The following NTSR1 variants were observed in gnomAD, a reference collection of about 807,000 sequenced individuals.
NTSR1 encodes the protein neurotensin receptor 1, also known as neurotensin receptor type 1.
NTSR1 carries 29 observed loss-of-function variants against 31.2 expected under a neutral mutation model. The observed-to-expected ratio is 0.93, with a 90% CI of 0.69 to 1.27. The LOEUF (loss-of-function observed/expected upper bound fraction) is 1.27. NTSR1 is among the 50% of genes most tolerant of loss of function. The pLI, the probability that NTSR1 is intolerant of heterozygous loss-of-function variation, is 0.00. For synonymous variants in NTSR1, 282 were observed against 269.9 expected, an observed-to-expected ratio of 1.04 and a Z score of -0.44; for missense variants, 697 against 595.4, an observed-to-expected ratio of 1.17 and a Z score of -1.78.
Position 62,754,851 on chromosome 20 carries a change from G to C in NTSR1, c.881G>C (p.Arg294Thr). The C allele has an allele frequency of 6.2e-7, 1 of 1,606,572 alleles. No homozygotes were observed. The highest frequency in any genetic ancestry group is 1.3e-5 in the African/African-American group (1 of 74,852). ...STFSMAIEPG[R>T]VQALRHGVRV... is the part of the protein sequence containing the mutation. ...TTCAGCATGGCCATCGAGCCTGGCA[G>C]GGTCCAGGCCCTGCGGCACGGCGTG... The change falls in exon 2 of 4, where the codon AGG becomes ACG. Residue 294 changes from arginine to threonine, a missense_variant. Arg to Thr is a moderately conservative substitution (Grantham distance 71). Transcript: ENST00000370501.
chr20:62,739,974 C>T (rs996282266), intron 1 of NTSR1, among the ~76,000 whole-genome samples: 3 of 152,244 alleles, frequency 2.0e-5, no homozygotes, highest in East Asian at 1.9e-4. Context: ...CTGGCCGCAC[C>T]GCCTCGTCCC....
rs1568693568 is a variant in NTSR1, at chr20:62,709,829, G to T, written c.622G>T (p.Gly208Cys). The change falls in exon 1 of 4, where the codon GGC becomes TGC. Residue 208 changes from glycine to cysteine, a missense_variant. Coordinates refer to ENST00000370501, the MANE Select transcript of NTSR1 (RefSeq NM_002531.3). Reference protein sequence around the residue: ...LLAVPMLFTMGEQNRSADGQH... With the variant: ...LLAVPMLFTMCEQNRSADGQH... ...GGCGGTGCCTATGCTGTTCACCATG[G>T]GCGAGCAGAACCGCAGCGCCGACGG... 8.1e-6 allele frequency: 13 copies of T among 1,612,232 alleles called. No homozygotes were observed. Among genetic ancestry groups the T allele is most frequent in the Non-Finnish European group, 1.0e-5 (12 of 1,179,668 alleles).
At chr20:62,710,788 T>C (rs1445552734) in intron 1 of NTSR1, among the ~76,000 whole-genome samples, 1 of 152,096 alleles carries the variant, frequency 6.6e-6, no homozygotes. Flanking sequence ...GAGGCTGGTG[T>C]CCAGGGAGGA....
chr20:62,712,227 G>A (rs1307021054), intron 1 of NTSR1, among the ~76,000 whole-genome samples: 2 of 152,234 alleles, frequency 1.3e-5, no homozygotes, highest in Non-Finnish European at 2.9e-5. Flanking sequence ...TCCCCACGTG[G>A]GCTTCTGGGC....
At position 62,710,597 on chromosome 20, in the gene NTSR1, C is replaced by T. The variant is rs78822271; in HGVS notation, c.714+676C>T. ...GGTTGTGAGGATCTGCGTGTGGCGG[C>T]GGTGTTGTGGTGAGGTGTGTAAAAC... On this transcript the variant is annotated intron_variant, in intron 1 of 3. Transcript: ENST00000370501. Among the ~76,000 whole-genome samples, 1,453 of 151,982 alleles carry T rather than the reference C, an allele frequency of 9.6e-3. 61 individuals carry two copies. The highest frequency in any genetic ancestry group is 0.061 in the Admixed American group (923 of 15,242).
At position 62,732,724 on chromosome 20, in the gene NTSR1, G is replaced by C. The variant is rs1027838103; in HGVS notation, c.715-21961G>C. ...ATTGGGGTAATGCCGGCCTCGTAGA[G>C]TGAGTTATAAAGTGTTCCTCTGCTT... On this transcript the variant is annotated intron_variant, in intron 1 of 3. Transcript: ENST00000370501. This position sits in a 1 kb window ranked among gnomAD's most constrained non-coding sequence, Gnocchi z 4.0. 7.9e-5 allele frequency: 12 copies of C among 152,210 alleles called. No homozygotes were observed. Among genetic ancestry groups the C allele is most frequent in the African/African-American group, 2.9e-4 (12 of 41,442 alleles). 9.4% of individuals were successfully genotyped at this position (152,210 alleles called of 1,614,324 possible). A position where few individuals can be genotyped will look rare whatever the true frequency, so the allele number is the denominator to read the frequency against.
In NTSR1 at chr20:62,709,559, C is replaced by T; in HGVS notation, c.352C>T (p.Leu118=). ...GCTGTCCGACCTGCTCACCCTGCTG[C>T]TGGCCATGCCCGTGGAGCTGTACAA... is the stretch of plus-strand genomic sequence containing the variant. ...LALSDLLTLL[L]AMPVELYNFI... The change falls in exon 1 of 4, where the codon CTG becomes TTG. Residue 118 remains leucine, a synonymous_variant. Transcript: ENST00000370501. 6.2e-7 allele frequency: 1 copy of T among 1,611,952 alleles called. No individual in the cohort carries two copies. The highest frequency in any genetic ancestry group is 8.5e-7 in the Non-Finnish European group (1 of 1,179,874).
intron 1 of NTSR1, among the ~76,000 whole-genome samples, chr20:62,713,571 A>G (rs1042592484): frequency 6.6e-6 from 1 of 152,244 alleles, no homozygotes; most frequent in African/African-American, 2.4e-5. Flanking sequence ...CACAGGCAGC[A>G]TCCTTGTTCT....
At position 62,742,519 on chromosome 20, in the gene NTSR1, A is replaced by G. The variant is rs1989223143; in HGVS notation, c.715-12166A>G. Among the ~76,000 whole-genome samples the G allele has an allele frequency of 6.7e-6, 1 of 149,474 alleles. No homozygotes were observed. Among genetic ancestry groups the G allele is most frequent in the Non-Finnish European group, 1.5e-5 (1 of 68,016 alleles). The stretch of plus-strand genomic sequence containing the variant: ...AAGAGACTGGGGACTGAGGGACAGC[A>G]CAGTATCCCAAGCTGGCCACTACCA... On this transcript the variant is annotated intron_variant, in intron 1 of 3. Coordinates refer to ENST00000370501, the MANE Select transcript of NTSR1 (RefSeq NM_002531.3). This position sits in a 1 kb window ranked among gnomAD's most constrained non-coding sequence, Gnocchi z 7.1.
intron 1 of NTSR1, among the ~76,000 whole-genome samples, chr20:62,712,420 C>T (rs1430931887): frequency 6.6e-6 from 1 of 152,226 alleles, no homozygotes; most frequent in Non-Finnish European, 1.5e-5. Flanking sequence ...GCGTCTCCTA[C>T]GAAATTTTGG....
At chr20:62,736,429 C>T (rs755280889) in intron 1 of NTSR1, among the ~76,000 whole-genome samples, 26 of 152,234 alleles carry the variant, frequency 1.7e-4, no homozygotes, top group Admixed American at 3.9e-4. Flanking sequence ...TTCCCTGAGT[C>T]CCAGTTTAGA....
chr20:62,750,091 A>G (rs2147146116), intron 1 of NTSR1, among the ~76,000 whole-genome samples: 1 of 152,358 alleles, frequency 6.6e-6, no homozygotes, highest in African/African-American at 2.4e-5. Flanking sequence ...AGCGTGGTGC[A>G]GATACACAGC....
In NTSR1 at chr20:62,742,993, G is replaced by T. The variant is rs1481277406; in HGVS notation, c.715-11692G>T. ...TCTGAGTTTAGCTTTGTTTGTGTAGGTAGTTCACTGTGGGAGTCTAGCTTT... is the reference window on the plus strand; with the variant it reads ...TCTGAGTTTAGCTTTGTTTGTGTAGTTAGTTCACTGTGGGAGTCTAGCTTT... On this transcript the variant is annotated intron_variant, in intron 1 of 3. Transcript: ENST00000370501. This position sits in a 1 kb window ranked among gnomAD's most constrained non-coding sequence, Gnocchi z 7.1. Among the ~76,000 whole-genome samples, 1 of 149,578 alleles carries T rather than the reference G, an allele frequency of 6.7e-6. No individual in the cohort carries two copies. The highest frequency in any genetic ancestry group is 1.5e-5 in the Non-Finnish European group (1 of 68,010).
rs57596931 is a variant in NTSR1, at chr20:62,743,773, A to G, written c.715-10912A>G. On this transcript the variant is annotated intron_variant, in intron 1 of 3. Coordinates refer to ENST00000370501, the MANE Select transcript of NTSR1 (RefSeq NM_002531.3). This position sits in a 1 kb window ranked among gnomAD's most constrained non-coding sequence, Gnocchi z 7.5. Reference sequence around the variant, plus strand: ...AATGGGATGAATTAGAGAGAAAGGCAGAATACAAAACAAGCAATTGCTCTC... The same window carrying G: ...AATGGGATGAATTAGAGAGAAAGGCGGAATACAAAACAAGCAATTGCTCTC... Among the ~76,000 whole-genome samples, 15,897 of 152,322 alleles carry G rather than the reference A, an allele frequency of 0.1. 1,929 individuals are homozygous for G. Among genetic ancestry groups the G allele is most frequent in the East Asian group, 0.33 (1,713 of 5,180 alleles).
chr20:62,755,077 C>A (rs1038440011), intron 2 of NTSR1, among the ~76,000 whole-genome samples, 191 bp downstream of exon 2: 1 of 151,220 alleles, frequency 6.6e-6, no homozygotes, highest in Admixed American at 6.6e-5. Flanking sequence ...TCCATCCTTC[C>A]ATCTATCCTT....
Position 62,708,980 on chromosome 20 carries a change from C to G in NTSR1, c.-228C>G. 1 of 435,952 alleles carries G rather than the reference C, an allele frequency of 2.3e-6. No individual in the cohort carries two copies. Among genetic ancestry groups the G allele is most frequent in the Non-Finnish European group, 4.0e-6 (1 of 249,918 alleles). The allele number at this position is 435,952 out of a possible 1,614,324, so 27.0% of individuals were successfully genotyped here. A position where few individuals can be genotyped will look rare whatever the true frequency, so the allele number is the denominator to read the frequency against. On this transcript the variant is annotated 5_prime_UTR_variant, in exon 1 of 4. Transcript: ENST00000370501. The surrounding 1 kb of genome is among the most constrained non-coding windows in gnomAD (Gnocchi z 5.9). ...GCCCGAGGAACCACGGGTTCTGGAGCTAGGAGCCGGAAGCTGGGAGTCCGG... is the reference window on the plus strand; with the variant it reads ...GCCCGAGGAACCACGGGTTCTGGAGGTAGGAGCCGGAAGCTGGGAGTCCGG...
rs1989287263 is a variant in NTSR1 at position 62,745,626 on chromosome 20, G to T, written c.715-9059G>T. On this transcript the variant is annotated intron_variant, in intron 1 of 3. Coordinates refer to ENST00000370501, the MANE Select transcript of NTSR1 (RefSeq NM_002531.3). The surrounding 1 kb of genome is among the most constrained non-coding windows in gnomAD (Gnocchi z 4.1). ...AGACAGAGACACAGAAAAACACAGA[G>T]AAAAACACAGAGACATCACAGGAGA... is the stretch of plus-strand genomic sequence containing the variant. Among the ~76,000 whole-genome samples the T allele has an allele frequency of 1.3e-5, 2 of 150,700 alleles. No homozygotes were observed. Among genetic ancestry groups the T allele is most frequent in the South Asian group, 4.2e-4 (2 of 4,784 alleles).
intron 1 of NTSR1, among the ~76,000 whole-genome samples, chr20:62,721,418 T>C (rs1398864914): frequency 1.3e-5 from 2 of 152,190 alleles, no homozygotes; most frequent in African/African-American, 4.8e-5. Context: ...TTCCTGAACA[T>C]TTTGAATTTT....
intron 1 of NTSR1, among the ~76,000 whole-genome samples, chr20:62,750,836 A>G (rs112869092): frequency 0.017 from 2,546 of 152,270 alleles, 87 homozygotes; most frequent in African/African-American, 0.058. Context: ...TCATTTCACA[A>G]TGTATACATA....
Sources: gnomAD v4.1 joint callset for allele counts (sites outside exome capture counted in the v4.1 genomes callset) on GRCh38, gnomAD v4.1.1 for gene constraint, Gnocchi (gnomAD v3.1) non-coding constraint, MANE v1.5 for transcripts, NCBI Gene and HGNC (gene_info 2026-07-23, HGNC 2026-07-21) for gene names.